The following UGT1A4 variants were observed in gnomAD, a reference collection of about 807,000 sequenced individuals.
UGT1A4 encodes the protein UDP-glucuronosyltransferase 1A4.
UGT1A4 carries 32 observed loss-of-function variants against 41.1 expected under a neutral mutation model. The observed-to-expected ratio is 0.78, with a 90% CI of 0.59 to 1.05. The LOEUF is 1.05. Ranked by LOEUF, UGT1A4 falls within the 50% of genes least tolerant of loss-of-function variation. UGT1A4 has a pLI of 0.00. For synonymous variants in UGT1A4, 283 were observed against 265.1 expected, an observed-to-expected ratio of 1.07 and a Z score of -0.66; for missense variants, 748 against 677.4, an observed-to-expected ratio of 1.10 and a Z score of -1.16.
chr2:233,731,513 C>G (rs972587345), intron 1 of UGT1A4, among the ~76,000 whole-genome samples: 4 of 152,148 alleles, frequency 2.6e-5, no homozygotes, highest in Admixed American at 1.3e-4. Context: ...CAGTTCCCAC[C>G]TATGAGTGAG....
At chr2:233,742,134 C>A (rs1691883024) in intron 1 of UGT1A4, among the ~76,000 whole-genome samples, 1 of 151,870 alleles carries the variant, frequency 6.6e-6, no homozygotes, top group South Asian at 2.1e-4. Context: ...AGACCCTAAC[C>A]CAGCAGCGCT....
In UGT1A4 at chr2:233,718,939, C is replaced by T. The variant is rs149017068; in HGVS notation, c.119C>T (p.Pro40Leu). 3 of 1,614,142 alleles carry T rather than the reference C, an allele frequency of 1.9e-6. No individual in the cohort carries two copies. Among genetic ancestry groups the T allele is most frequent in the East Asian group, 2.2e-5 (1 of 44,868 alleles). The change falls in exon 1 of 5, where the codon CCC (proline) becomes CTC (leucine). Residue 40 changes from proline (P) to leucine (L), a missense_variant. Physicochemically the swap from Pro to Leu is moderately conservative, Grantham distance 98 (BLOSUM62 -3). Coordinates refer to ENST00000373409, the MANE Select transcript of UGT1A4 (RefSeq NM_007120.3). ...KVLVVPTDGS[P>L]WLSMREALRE... ...TTGGTGGTGCCCACTGATGGCAGCC[C>T]CTGGCTCAGCATGCGGGAGGCCTTG...
rs369777528 is a variant in UGT1A4, at chr2:233,719,580, G to T, written c.760G>T (p.Val254Leu). ...GGTGGATCTTGTCAGCTATGCATCC[G>T]TGTGGCTGTTCCGAGGGGACTTTGT... ...SVVDLVSYAS[V>L]WLFRGDFVMD... Residue 254 changes from valine to leucine, a missense_variant, in exon 1 of 5, where the codon GTG (valine) becomes TTG (leucine). Transcript: ENST00000373409. The T allele has an allele frequency of 6.2e-7, 1 of 1,613,916 alleles. No individual in the cohort carries two copies. Among genetic ancestry groups the T allele is most frequent in the South Asian group, 1.1e-5 (1 of 91,076 alleles).
At chr2:233,729,994 G>T in intron 1 of UGT1A4, 10 of 1,613,954 alleles carry the variant, frequency 6.2e-6, no homozygotes, top group African/African-American at 1.3e-5. Context: ...ACTATCTCAG[G>T]TCTGTATTGG....
chr2:233,764,618 A>G (rs1306085339), intron 1 of UGT1A4, among the ~76,000 whole-genome samples: 3 of 152,108 alleles, frequency 2.0e-5, no homozygotes, highest in Non-Finnish European at 2.9e-5. Flanking sequence ...AGTGGGTTTC[A>G]TGAAGAGCAA....
intron 1 of UGT1A4, among the ~76,000 whole-genome samples, chr2:233,745,899 C>T (rs1385989296): frequency 1.3e-5 from 2 of 151,320 alleles, no homozygotes; most frequent in Non-Finnish European, 2.9e-5. Context: ...TGGCGTTTTT[C>T]AGGGAGCAGC....
intron 4 of UGT1A4, among the ~76,000 whole-genome samples, chr2:233,768,745 G>A (rs1699716714): frequency 1.3e-5 from 2 of 151,730 alleles, no homozygotes; most frequent in Admixed American, 1.3e-4. Context: ...ACCACGCCCG[G>A]TTAATTTTTG....
At chr2:233,768,058 C>A in intron 3 of UGT1A4, 122 bp downstream of exon 3, 3 of 1,601,872 alleles carry the variant, frequency 1.9e-6, no homozygotes, top group Non-Finnish European at 2.6e-6. Context: ...TCCTACATTG[C>A]TTTTTATCTA....
At chr2:233,749,016 A>G (rs182702501) in intron 1 of UGT1A4, among the ~76,000 whole-genome samples, 47 of 151,794 alleles carry the variant, frequency 3.1e-4, no homozygotes, top group Non-Finnish European at 5.9e-4. Flanking sequence ...TCTTTAATCC[A>G]GAATATTTGG....
chr2:233,719,385 A>C lies in UGT1A4; in HGVS notation c.565A>C (p.Asn189His). Residue 189 changes from asparagine (N) to histidine (H), a missense_variant, in exon 1 of 5, where the codon AAT (asparagine) becomes CAT (histidine). Physicochemically the swap from Asn to His is moderately conservative, Grantham distance 68. Coordinates refer to ENST00000373409, the MANE Select transcript of UGT1A4 (RefSeq NM_007120.3). ...AGACTTTAAGGGCACACAGTGTCCA[A>C]ATCCTTCCTCCTATATTCCTAAGTT... ...DLDFKGTQCP[N>H]PSSYIPKLLT... 1 of 1,613,980 alleles carries C rather than the reference A, an allele frequency of 6.2e-7. No individual in the cohort carries two copies. The highest frequency in any genetic ancestry group is 8.5e-7 in the Non-Finnish European group (1 of 1,179,872).
At chr2:233,734,917 G>A (rs965822132) in intron 1 of UGT1A4, among the ~76,000 whole-genome samples, 3 of 152,162 alleles carry the variant, frequency 2.0e-5, no homozygotes, top group Non-Finnish European at 4.4e-5. Context: ...ATTTGCTAAG[G>A]AGTGCTTTAC....
chr2:233,733,823 A>G (rs1027211154), intron 1 of UGT1A4, among the ~76,000 whole-genome samples: 1 of 152,166 alleles, frequency 6.6e-6, no homozygotes. Context: ...GCCTCATAAA[A>G]TGAGTTAGGG....
At chr2:233,725,591 T>G (rs1479177749) in intron 1 of UGT1A4, among the ~76,000 whole-genome samples, 1 of 152,130 alleles carries the variant, frequency 6.6e-6, no homozygotes, top group Non-Finnish European at 1.5e-5. Context: ...ACTTAACTAT[T>G]TGACATAGTT....
intron 1 of UGT1A4, among the ~76,000 whole-genome samples, chr2:233,762,456 GATA>G (rs1312099964): frequency 6.6e-6 from 1 of 152,130 alleles, no homozygotes; most frequent in African/African-American, 2.4e-5. Flanking sequence ...CCCACTTACC[GATA>G]ATGTCATGGA....
chr2:233,738,152 A>C (rs1172003617), intron 1 of UGT1A4, among the ~76,000 whole-genome samples: 1 of 152,050 alleles, frequency 6.6e-6, no homozygotes, highest in Non-Finnish European at 1.5e-5. Flanking sequence ...CTTGCAAGCT[A>C]TTCCTCTTTC....
chr2:233,758,527 A>G (rs1696905658), intron 1 of UGT1A4, among the ~76,000 whole-genome samples: 1 of 152,232 alleles, frequency 6.6e-6, no homozygotes, highest in East Asian at 1.9e-4. Context: ...GAGTGAAAGC[A>G]TTGCTATGTC....
intron 1 of UGT1A4, chr2:233,741,713 C>T (rs1022518574): frequency 6.6e-6 from 1 of 151,840 alleles, no homozygotes; most frequent in South Asian, 2.1e-4. Flanking sequence ...TCTGAGGGTT[C>T]TAGAGCATAT....
chr2:233,741,695 G>A (rs565346181), intron 1 of UGT1A4: 1 of 152,016 alleles, frequency 6.6e-6, no homozygotes, highest in East Asian at 1.9e-4. Flanking sequence ...ATTACATGCA[G>A]AGTGGACTCT....
chr2:233,719,705 C>T lies in UGT1A4; in HGVS notation c.867+18C>T, dbSNP rs774192845. On this transcript the variant is annotated intron_variant, in intron 1 of 4. Transcript: ENST00000373409. ...TATCTCAGGTCTGTATTGGTGCCTT[C>T]ATCCAATCAATGTTCCAGGCAAAAC... 50 of 1,613,844 alleles carry T rather than the reference C, an allele frequency of 3.1e-5. No individual in the cohort carries two copies. Among genetic ancestry groups the T allele is most frequent in the Middle Eastern group, 1.7e-4 (1 of 6,052 alleles).
Sources: gnomAD v4.1 joint callset for allele counts (sites outside exome capture counted in the v4.1 genomes callset) on GRCh38, gnomAD v4.1.1 for gene constraint, MANE v1.5 for transcripts, NCBI Gene and HGNC (gene_info 2026-07-23, HGNC 2026-07-21) for gene names.